IRS1: variants seen among roughly 807,000 people sequenced by gnomAD.
IRS1 encodes insulin receptor substrate 1.
In IRS1, 34 loss-of-function variants were observed where a neutral mutation model predicts 65.6. The observed-to-expected ratio is 0.52, with a 90% confidence interval of 0.39 to 0.69. The LOEUF (loss-of-function observed/expected upper bound fraction) is 0.69. Ranked by LOEUF, IRS1 falls within the 30% of genes least tolerant of loss-of-function variation. The pLI, the probability that IRS1 is intolerant of heterozygous loss-of-function variation, is 0.00. For synonymous variants in IRS1, 699 were observed against 683.5 expected (o/e 1.02, Z -0.35); for missense variants, 1,641 against 1,720.2 (o/e 0.95, Z 0.81).
intron 1 of IRS1, among the ~76,000 whole-genome samples, chr2:226,773,516 G>A (rs1289612459): frequency 2.0e-5 from 3 of 151,646 alleles, no homozygotes; most frequent in Non-Finnish European, 4.4e-5. Flanking sequence ...TATACAACAA[G>A]CTGAGACAAT....
At chr2:226,746,066 G>A (rs1938536112) in intron 1 of IRS1, among the ~76,000 whole-genome samples, 1 of 151,828 alleles carries the variant, frequency 6.6e-6, no homozygotes, top group South Asian at 2.1e-4. Context: ...ACGTACAAAG[G>A]GGAAGATCTC....
chr2:226,788,683 ACTAAC>A (rs1203507114), intron 1 of IRS1, among the ~76,000 whole-genome samples: 1 of 152,192 alleles, frequency 6.6e-6, no homozygotes, highest in African/African-American at 2.4e-5. Flanking sequence ...GATGATACTT[ACTAAC>A]CTATCTTCTT....
At position 226,799,652 on chromosome 2, in the gene IRS1, T is replaced by G; in HGVS notation, c.-914A>C. ...GAGGCGCTGCCGCTGCAGTTACTTC[T>G]CCCCTCCTCCCTCCTCCTCCTCCTC... On this transcript the variant is annotated 5_prime_UTR_variant, in exon 1 of 2. Coordinates refer to ENST00000305123, the MANE Select transcript of IRS1 (RefSeq NM_005544.3). This position sits in a 1 kb window ranked among gnomAD's most constrained non-coding sequence, Gnocchi z 6.1. The G allele has an allele frequency of 1.0e-6, 1 of 1,001,356 alleles. No homozygotes were observed. Among genetic ancestry groups the G allele is most frequent in the Non-Finnish European group, 1.2e-6 (1 of 831,294 alleles). The allele number at this position is 1,001,356 out of a possible 1,614,324, so 62.0% of individuals were successfully genotyped here.
In IRS1 at chr2:226,798,359, A is replaced by C. The variant is rs1188452881; in HGVS notation, c.380T>G (p.Leu127Arg). 1.2e-6 allele frequency: 2 copies of C among 1,613,510 alleles called. No homozygotes were observed. Among genetic ancestry groups the C allele is most frequent in the South Asian group, 2.2e-5 (2 of 91,064 alleles). The change falls in exon 1 of 2, where the codon CTC becomes CGC. Residue 127 changes from leucine (L) to arginine (R), a missense_variant. Leu to Arg is a moderately radical substitution (Grantham distance 102). Around this residue, in one of 3 missense-constraint regions of IRS1, gnomAD observed 240 missense variants for 229.6 expected, o/e 1.05. Coordinates refer to ENST00000305123, the MANE Select transcript of IRS1 (RefSeq NM_005544.3). The surrounding 1 kb of genome is among the most constrained non-coding windows in gnomAD (Gnocchi z 9.4). ...AKGHHDGAAALGAGGGGGSCS... is the reference protein window; with the variant it reads ...AKGHHDGAAARGAGGGGGSCS... Reference sequence around the variant, plus strand: ...GCTGCCCCCACCACCTCCCGCCCCGAGGGCCGCAGCTCCGTCGTGGTGGCC... The same window carrying C: ...GCTGCCCCCACCACCTCCCGCCCCGCGGGCCGCAGCTCCGTCGTGGTGGCC...
intron 1 of IRS1, among the ~76,000 whole-genome samples, chr2:226,766,155 A>ATTTTTTTTTT (rs1247603503): frequency 1.8e-4 from 1 of 5,510 alleles, no homozygotes; most frequent in Non-Finnish European, 4.0e-4. Context: ...ATATATATAT[A>ATTTTTTTTTT]TATATATATT....
chr2:226,763,811 A>G (rs1033361045), intron 1 of IRS1, among the ~76,000 whole-genome samples: 1 of 152,138 alleles, frequency 6.6e-6, no homozygotes, highest in African/African-American at 2.4e-5. Context: ...CAAACAAACA[A>G]TAACTGACTT....
At chr2:226,778,936 T>G (rs1939329489) in intron 1 of IRS1, among the ~76,000 whole-genome samples, 1 of 152,232 alleles carries the variant, frequency 6.6e-6, no homozygotes, top group Non-Finnish European at 1.5e-5. Context: ...CCTGGGAAAG[T>G]TGGTCCTCTA....
At chr2:226,770,554 G>A (rs1408506423) in intron 1 of IRS1, among the ~76,000 whole-genome samples, 1 of 152,160 alleles carries the variant, frequency 6.6e-6, no homozygotes, top group Non-Finnish European at 1.5e-5. Flanking sequence ...ACAAATATTT[G>A]AGGATCAAAT....
In IRS1 at chr2:226,795,053, T is replaced by A; in HGVS notation, c.3686A>T (p.Tyr1229Phe). ...TRRSSEDLSAYASISFQKQPE... is the reference protein window; with the variant it reads ...TRRSSEDLSAFASISFQKQPE... ...CTGCTTCTGGAAACTGATGCTGGCA[T>A]AGGCGCTTAAATCCTCACTTGAGCG... The change falls in exon 1 of 2, where the codon TAT (tyrosine) becomes TTT (phenylalanine). Residue 1229 changes from tyrosine (Y) to phenylalanine (F), a missense_variant. Tyr to Phe is a conservative substitution (Grantham distance 22). Transcript: ENST00000305123. 6.2e-7 allele frequency: 1 copy of A among 1,606,096 alleles called. No individual in the cohort carries two copies. The highest frequency in any genetic ancestry group is 8.5e-7 in the Non-Finnish European group (1 of 1,179,286).
In IRS1 at chr2:226,773,332, G is replaced by A. The variant is rs911787506; in HGVS notation, c.*21+21657C>T. ...TCTCTGTTTGAAACAACTCTTCTGG[G>A]GCCCTTCACAGTCAACAAGTACAGA... On this transcript the variant is annotated intron_variant, in intron 1 of 1. Coordinates refer to ENST00000305123, the MANE Select transcript of IRS1 (RefSeq NM_005544.3). 9.2e-5 allele frequency among the ~76,000 whole-genome samples: 14 copies of A among 152,106 alleles called. 1 individual carries two copies. The highest frequency in any genetic ancestry group is 3.4e-3 in the Middle Eastern group (1 of 294).
At chr2:226,789,068 A>G (rs1320829318) in intron 1 of IRS1, among the ~76,000 whole-genome samples, 1 of 152,264 alleles carries the variant, frequency 6.6e-6, no homozygotes, top group Non-Finnish European at 1.5e-5. Context: ...ACTTTGTAAC[A>G]TGAGGAAATA....
At chr2:226,755,503 T>A (rs1938778543) in intron 1 of IRS1, among the ~76,000 whole-genome samples, 1 of 152,226 alleles carries the variant, frequency 6.6e-6, no homozygotes, top group Admixed American at 6.5e-5. Flanking sequence ...GTGTGTTAAT[T>A]ATCTGTGTAC....
intron 1 of IRS1, among the ~76,000 whole-genome samples, chr2:226,743,266 G>C (rs1489928620): frequency 1.3e-5 from 2 of 151,030 alleles, no homozygotes; most frequent in Admixed American, 1.3e-4. Flanking sequence ...GTCTCACTCT[G>C]TCACCCAGGC....
chr2:226,756,615 T>C (rs1210212773), intron 1 of IRS1, among the ~76,000 whole-genome samples: 1 of 152,188 alleles, frequency 6.6e-6, no homozygotes, highest in Non-Finnish European at 1.5e-5. Flanking sequence ...GGCTCAGGGA[T>C]TCAATCCACA....
At position 226,798,371 on chromosome 2, in the gene IRS1, C is replaced by T. The variant is rs200009513; in HGVS notation, c.368G>A (p.Gly123Glu). 261 of 1,613,710 alleles carry T rather than the reference C, an allele frequency of 1.6e-4. 2 individuals are homozygous for T. Among genetic ancestry groups the T allele is most frequent in the Admixed American group, 5.0e-4 (30 of 60,006 alleles). ...LHNRAKGHHD[G>E]AAALGAGGGG... ...ACCTCCCGCCCCGAGGGCCGCAGCT[C>T]CGTCGTGGTGGCCCTTAGCACGGTT... Residue 123 changes from glycine (G) to glutamate (E), a missense_variant, in exon 1 of 2, where the codon GGA (glycine) becomes GAA (glutamate). Gly to Glu is a moderately conservative substitution (Grantham distance 98, BLOSUM62 -2). This residue lies in a region of IRS1 where 240 missense variants were observed against 229.6 expected (regional missense o/e 1.05). Coordinates refer to ENST00000305123, the MANE Select transcript of IRS1 (RefSeq NM_005544.3). This position sits in a 1 kb window ranked among gnomAD's most constrained non-coding sequence, Gnocchi z 9.4.
chr2:226,773,099 A>G (rs1939194822), intron 1 of IRS1, among the ~76,000 whole-genome samples: 3 of 152,254 alleles, frequency 2.0e-5, no homozygotes, highest in Admixed American at 2.0e-4. Flanking sequence ...AGAGGTCTGT[A>G]GCTAATGACC....
chr2:226,773,998 C>T (rs529403724), intron 1 of IRS1, among the ~76,000 whole-genome samples: 3 of 152,168 alleles, frequency 2.0e-5, no homozygotes, highest in Non-Finnish European at 2.9e-5. Context: ...CAGAATGGCC[C>T]TCCTTATGAT....
chr2:226,780,555 G>A (rs1277327558), intron 1 of IRS1, among the ~76,000 whole-genome samples: 1 of 152,038 alleles, frequency 6.6e-6, no homozygotes, highest in African/African-American at 2.4e-5. Flanking sequence ...AACATCAGAA[G>A]AACTATACTA....
rs769578293 is a variant in IRS1, at chr2:226,798,620, C to T, written c.119G>A (p.Gly40Asp). Residue 40 changes from glycine (G) to aspartate (D), a missense_variant, in exon 1 of 2, where the codon GGC (glycine) becomes GAC (aspartate). Coordinates refer to ENST00000305123, the MANE Select transcript of IRS1 (RefSeq NM_005544.3). This position sits in a 1 kb window ranked among gnomAD's most constrained non-coding sequence, Gnocchi z 9.4. ...CTCGTAGTACTCGAGGCGCGCCGGG[C>T]CCCCAGCCTCGCTGGCCGCGCGCAG... ...FVLRAASEAG[G>D]PARLEYYENE... is the part of the protein sequence containing the mutation. 41 of 1,612,770 alleles carry T rather than the reference C, an allele frequency of 2.5e-5. No homozygotes were observed. Among genetic ancestry groups the T allele is most frequent in the Non-Finnish European group, 3.2e-5 (38 of 1,179,482 alleles).
Sources: gnomAD v4.1 joint callset for allele counts (sites outside exome capture counted in the v4.1 genomes callset) on GRCh38, gnomAD v4.1.1 for gene constraint, gnomAD v4.1.1 regional missense constraint, Gnocchi (gnomAD v3.1) non-coding constraint, MANE v1.5 for transcripts, NCBI Gene and HGNC (gene_info 2026-07-23, HGNC 2026-07-21) for gene names.